The following RBFOX1 variants were observed in gnomAD, a reference collection of about 807,000 sequenced individuals.
RBFOX1 encodes the protein RNA binding protein fox-1 homolog 1.
A neutral mutation model predicts 57.7 loss-of-function variants in RBFOX1; 8 were observed. The observed-to-expected ratio is 0.14, with a 90% confidence interval of 0.08 to 0.25. The LOEUF (loss-of-function observed/expected upper bound fraction) is 0.25. Ranked by LOEUF, RBFOX1 falls within the 10% of genes least tolerant of loss-of-function variation. The probability of loss-of-function intolerance (pLI) is 1.00; values close to 1 mark genes in which losing one functional copy is unlikely to be tolerated. For missense variants in RBFOX1, 611 were observed against 548.5 expected (o/e 1.11, Z -1.14); for synonymous variants, 326 against 222.4 (o/e 1.47, Z -4.15).
chr16:5,272,568 A>T (rs560338984), intron 1 of RBFOX1, among the ~76,000 whole-genome samples: 1 of 152,136 alleles, frequency 6.6e-6, no homozygotes, highest in Non-Finnish European at 1.5e-5. Context: ...TGCTGCCTCT[A>T]CCGATACCCC....
At chr16:5,906,727 CTTTTTT>C (rs57589514) in intron 4 of RBFOX1, among the ~76,000 whole-genome samples, 1,497 of 71,438 alleles carry the variant, frequency 0.021, 26 homozygotes, top group Middle Eastern at 0.067. Flanking sequence ...ATCCTAGATT[CTTTTTT>C]TTTTTTTTTT....
chr16:6,917,396 C>G (rs759545600), intron 3 of RBFOX1, among the ~76,000 whole-genome samples: 1 of 152,244 alleles, frequency 6.6e-6, no homozygotes, highest in Middle Eastern at 3.4e-3. Context: ...GAGTGTAGCT[C>G]TATATCTTAT....
intron 3 of RBFOX1, among the ~76,000 whole-genome samples, chr16:5,865,343 C>T (rs1405518940): frequency 2.0e-5 from 3 of 152,138 alleles, no homozygotes; most frequent in South Asian, 4.1e-4. Flanking sequence ...CCTGAACGGG[C>T]GCCAGGAATG....
At chr16:5,991,395 G>T (rs61123465) in intron 4 of RBFOX1, among the ~76,000 whole-genome samples, 1 of 152,188 alleles carries the variant, frequency 6.6e-6, no homozygotes, top group Non-Finnish European at 1.5e-5. Flanking sequence ...GCCGTGGGCT[G>T]TGAGCACGTA....
Position 6,844,430 on chromosome 16 carries a change from A to G in RBFOX1, c.-16+189780A>G, listed in dbSNP as rs544343963. Among the ~76,000 whole-genome samples, 14 of 152,274 alleles carry G rather than the reference A, an allele frequency of 9.2e-5. No individual in the cohort carries two copies. The East Asian group carries it at 2.3e-3, about 25-fold the overall frequency. On this transcript the variant is annotated intron_variant, in intron 3 of 15. Coordinates refer to ENST00000550418, the MANE Select transcript of RBFOX1 (RefSeq NM_018723.4). ...TCTCATCATTCACCTACTACTTATA[A>G]GTAAGAACATGTGGTGTTTGGTTTT...
intron 2 of RBFOX1, among the ~76,000 whole-genome samples, chr16:6,526,240 C>A (rs1567558121): frequency 6.6e-6 from 1 of 152,174 alleles, no homozygotes; most frequent in African/African-American, 2.4e-5. Context: ...AATGTTTCTG[C>A]CACCATTGAG....
chr16:7,198,575 T>A (rs2087412730), intron 4 of RBFOX1, among the ~76,000 whole-genome samples: 1 of 152,174 alleles, frequency 6.6e-6, no homozygotes, highest in Admixed American at 6.5e-5. Context: ...GGCTCATGGG[T>A]TTGGAGGCTG....
chr16:6,622,538 C>G (rs1397600644), intron 2 of RBFOX1, among the ~76,000 whole-genome samples: 3 of 152,166 alleles, frequency 2.0e-5, no homozygotes, highest in South Asian at 2.1e-4. Context: ...GATGTTGTCA[C>G]AAGGATGAAA....
chr16:7,028,609 C>CAAAAA (rs869138217), intron 3 of RBFOX1, among the ~76,000 whole-genome samples: 3 of 45,426 alleles, frequency 6.6e-5, no homozygotes, highest in East Asian at 1.1e-3. Flanking sequence ...CACACACACA[C>CAAAAA]AAAAAAAAAA....
chr16:7,344,101 CTTT>C (rs61008217), intron 4 of RBFOX1, among the ~76,000 whole-genome samples: 7 of 90,610 alleles, frequency 7.7e-5, no homozygotes, highest in African/African-American at 2.1e-4. Context: ...CTCAGCTTTA[CTTT>C]TTTTTTTTTT....
chr16:7,313,338 G>C (rs1365373481), intron 4 of RBFOX1, among the ~76,000 whole-genome samples: 1 of 152,170 alleles, frequency 6.6e-6, no homozygotes, highest in Non-Finnish European at 1.5e-5. Context: ...GTTGAGTGGA[G>C]AAATTCTCTT....
At chr16:6,204,128 A>C (rs746521825) in intron 1 of RBFOX1, among the ~76,000 whole-genome samples, 1 of 152,068 alleles carries the variant, frequency 6.6e-6, no homozygotes, top group African/African-American at 2.4e-5. Flanking sequence ...AGTTATTCCT[A>C]TTACCACTGA....
At chr16:7,363,495 G>A (rs199927215) in intron 4 of RBFOX1, among the ~76,000 whole-genome samples, 2 of 149,262 alleles carry the variant, frequency 1.3e-5, no homozygotes, top group African/African-American at 2.5e-5. Flanking sequence ...GCTAATAAAG[G>A]AAAAAAAAAA....
chr16:6,483,204 C>T (rs1014643576), intron 2 of RBFOX1: 16 of 1,194,706 alleles, frequency 1.3e-5, no homozygotes, highest in African/African-American at 6.5e-5. Flanking sequence ...GAGGCCGAGG[C>T]CGGCCGGGGA....
intron 4 of RBFOX1, among the ~76,000 whole-genome samples, chr16:7,149,306 A>T (rs893808717): frequency 2.0e-5 from 3 of 151,912 alleles, no homozygotes; most frequent in Admixed American, 1.3e-4. Context: ...TAGTCATACC[A>T]CTCAGGATGC....
At chr16:5,984,974 A>ATTTTTTT (rs1473069198) in intron 4 of RBFOX1, among the ~76,000 whole-genome samples, 11 of 56,244 alleles carry the variant, frequency 2.0e-4, no homozygotes, top group African/African-American at 8.5e-4. Flanking sequence ...ATATATATAT[A>ATTTTTTT]TATTTTTTTT....
At chr16:6,110,504 A>G (rs1001834963) in intron 1 of RBFOX1, among the ~76,000 whole-genome samples, 8 of 152,172 alleles carry the variant, frequency 5.3e-5, no homozygotes, top group African/African-American at 1.2e-4. Context: ...TTGTGAAATG[A>G]TGTGGACTTA....
chr16:6,579,963 CT>C (rs1233862124), intron 2 of RBFOX1, among the ~76,000 whole-genome samples: 1 of 151,488 alleles, frequency 6.6e-6, no homozygotes, highest in Non-Finnish European at 1.5e-5. Context: ...GTTGTTTTTT[CT>C]TTTTTCTTTT....
intron 1 of RBFOX1, among the ~76,000 whole-genome samples, chr16:5,395,753 A>C (rs1487952746): frequency 1.3e-5 from 2 of 152,210 alleles, no homozygotes; most frequent in Admixed American, 6.5e-5. Flanking sequence ...TCTTCCCAGC[A>C]GACTCGCATT....
Sources: gnomAD v4.1 joint callset for allele counts (sites outside exome capture counted in the v4.1 genomes callset) on GRCh38, gnomAD v4.1.1 for gene constraint, MANE v1.5 for transcripts, NCBI Gene and HGNC (gene_info 2026-07-23, HGNC 2026-07-21) for gene names.